CHN2: variants seen among roughly 807,000 people sequenced by gnomAD.
CHN2 encodes beta-chimaerin.
CHN2 carries 35 observed loss-of-function variants against 56.3 expected under a neutral mutation model. The ratio of observed to expected loss-of-function variants is 0.62; its 90% CI spans 0.47 to 0.82. The LOEUF (loss-of-function observed/expected upper bound fraction) is 0.82. CHN2 is among the 40% of genes least tolerant of loss of function. The probability of loss-of-function intolerance (pLI) is 0.00; values close to 1 mark genes in which losing one functional copy is unlikely to be tolerated. For synonymous variants in CHN2, 210 were observed against 212.8 expected, an observed-to-expected ratio of 0.99 and a Z score of 0.12; for missense variants, 491 against 580.5, an observed-to-expected ratio of 0.85 and a Z score of 1.58.
chr7:29,345,518 C>T (rs1419120615), intron 1 of CHN2, among the ~76,000 whole-genome samples: 1 of 151,954 alleles, frequency 6.6e-6, no homozygotes, highest in Non-Finnish European at 1.5e-5. Context: ...TGCATGACAT[C>T]CCTAAGACTG....
At chr7:29,147,218 A>G (rs1792860679) in intron 2 of CHN2, 2 of 492,028 alleles carry the variant, frequency 4.1e-6, no homozygotes, top group Non-Finnish European at 7.2e-6. Context: ...AGGAGGTTGC[A>G]ATGGCAAGTA....
intron 1 of CHN2, among the ~76,000 whole-genome samples, chr7:29,263,970 T>TG (rs1225314809): frequency 8.8e-6 from 1 of 114,132 alleles, no homozygotes; most frequent in East Asian, 2.6e-4. Flanking sequence ...GTCTGGGAGG[T>TG]GGGGGGGCAG....
chr7:29,172,013 G>GA (rs1013955652), intron 2 of CHN2, among the ~76,000 whole-genome samples: 1 of 152,136 alleles, frequency 6.6e-6, no homozygotes, highest in Non-Finnish European at 1.5e-5. Flanking sequence ...GTACACAGGA[G>GA]AAAAAACTCA....
intron 10 of CHN2, among the ~76,000 whole-genome samples, chr7:29,507,022 T>C (rs1210319004): frequency 1.3e-5 from 2 of 152,232 alleles, no homozygotes; most frequent in Non-Finnish European, 2.9e-5. Context: ...ATCACCCGTT[T>C]GCCTGCACAA....
At chr7:29,329,903 C>T (rs1191139864) in intron 1 of CHN2, among the ~76,000 whole-genome samples, 1 of 152,142 alleles carries the variant, frequency 6.6e-6, no homozygotes, top group Non-Finnish European at 1.5e-5. Context: ...TCTGTGGTTT[C>T]TCACTTTTCT....
At chr7:29,469,062 C>A (rs1272061777) in intron 6 of CHN2, among the ~76,000 whole-genome samples, 1 of 152,090 alleles carries the variant, frequency 6.6e-6, no homozygotes, top group Non-Finnish European at 1.5e-5. Flanking sequence ...CTCCTGGAGT[C>A]TTCTTCATCT....
chr7:29,418,132 C>T (rs916723654), intron 6 of CHN2, among the ~76,000 whole-genome samples: 3 of 152,258 alleles, frequency 2.0e-5, no homozygotes, highest in African/African-American at 7.2e-5. Flanking sequence ...TGAGCCTCCA[C>T]GTCGGACAGA....
intron 2 of CHN2, among the ~76,000 whole-genome samples, chr7:29,159,066 GC>G (rs2128706309): frequency 6.6e-6 from 1 of 152,320 alleles, no homozygotes; most frequent in African/African-American, 2.4e-5. Context: ...CCATTTTAAA[GC>G]CCATTAAGTC....
intron 3 of CHN2, among the ~76,000 whole-genome samples, chr7:29,371,149 G>T (rs758879185): frequency 2.6e-5 from 4 of 152,164 alleles, no homozygotes; most frequent in Non-Finnish European, 4.4e-5. Context: ...TGAAGAACAG[G>T]CTCTGAACTG....
intron 3 of CHN2, among the ~76,000 whole-genome samples, chr7:29,372,598 T>G (rs1452529218): frequency 6.6e-6 from 1 of 152,152 alleles, no homozygotes; most frequent in East Asian, 1.9e-4. Context: ...TCAGTAAGTT[T>G]CAAAATGATG....
intron 1 of CHN2, among the ~76,000 whole-genome samples, chr7:29,273,343 G>GTATATATA (rs55722880): frequency 1.9e-3 from 113 of 58,104 alleles, no homozygotes; most frequent in South Asian, 3.7e-3. Flanking sequence ...ATATATATGT[G>GTATATATA]TATATATATA....
intron 1 of CHN2, among the ~76,000 whole-genome samples, chr7:29,263,755 C>G (rs1221644379): frequency 6.6e-6 from 1 of 151,574 alleles, no homozygotes; most frequent in Non-Finnish European, 1.5e-5. Context: ...TCTGCCCCGC[C>G]GCCCCATCTG....
At chr7:29,159,062 TA>T (rs2128706299) in intron 2 of CHN2, among the ~76,000 whole-genome samples, 1 of 152,344 alleles carries the variant, frequency 6.6e-6, no homozygotes, top group African/African-American at 2.4e-5. Flanking sequence ...CCACCCATTT[TA>T]AAGCCCATTA....
At chr7:29,356,819 G>T (rs1035394962) in intron 2 of CHN2, among the ~76,000 whole-genome samples, 45 of 152,314 alleles carry the variant, frequency 3.0e-4, no homozygotes, top group African/African-American at 1.0e-3. Flanking sequence ...TTGTTTGTTT[G>T]TTTCCTAATG....
intron 1 of CHN2, among the ~76,000 whole-genome samples, chr7:29,305,775 CCCTT>C (rs1794092317): frequency 6.6e-6 from 1 of 151,730 alleles, no homozygotes; most frequent in Non-Finnish European, 1.5e-5. Context: ...TCCCTCTCCT[CCCTT>C]CTCCTCCCCT....
chr7:29,278,591 G>T (rs1174307630), intron 1 of CHN2, among the ~76,000 whole-genome samples: 3 of 152,144 alleles, frequency 2.0e-5, no homozygotes, highest in African/African-American at 7.2e-5. Context: ...TCTAGGGCTG[G>T]TATCTGTGGC....
Position 29,400,585 on chromosome 7 carries a change from G to A in CHN2, c.333G>A (p.Gly111=). The change falls in exon 6 of 13, where the codon GGG becomes GGA. Residue 111 remains glycine (G), a synonymous_variant. Transcript: ENST00000222792. ...TAAACTACAGGCTCTTCCACGACGG[G>A]AAACACTTTGTGGGTGAGAAGAGGT... The part of the protein sequence containing the change: ...QTLNYRLFHD[G]KHFVGEKRFE... 1.2e-6 allele frequency: 2 copies of A among 1,614,164 alleles called. No homozygotes were observed. Among genetic ancestry groups the A allele is most frequent in the Non-Finnish European group, 1.7e-6 (2 of 1,180,032 alleles).
At chr7:29,398,910 A>G (rs1801985156) in intron 5 of CHN2, among the ~76,000 whole-genome samples, 1 of 151,924 alleles carries the variant, frequency 6.6e-6, no homozygotes, top group Admixed American at 6.6e-5. Context: ...CCTCCTTTTA[A>G]AATTTTTAAG....
intron 1 of CHN2, among the ~76,000 whole-genome samples, chr7:29,258,560 TC>T (rs568230907): frequency 1.1e-3 from 162 of 152,310 alleles, no homozygotes; most frequent in Non-Finnish European, 1.6e-3. Flanking sequence ...AATGTCTAGC[TC>T]CTCCAAAGTT....
Sources: gnomAD v4.1 joint callset for allele counts (sites outside exome capture counted in the v4.1 genomes callset) on GRCh38, gnomAD v4.1.1 for gene constraint, MANE v1.5 for transcripts, NCBI Gene and HGNC (gene_info 2026-07-23, HGNC 2026-07-21) for gene names.